Variants in EIF4ENIF1 observed in about 807,000 individuals in gnomAD.
EIF4ENIF1 encodes eukaryotic translation initiation factor 4E nuclear import factor 1, also known as eukaryotic translation initiation factor 4E transporter.
EIF4ENIF1 carries 23 observed loss-of-function variants against 110.5 expected under a neutral mutation model. That is an observed-to-expected ratio of 0.21 (90% CI 0.15 to 0.29). The LOEUF (loss-of-function observed/expected upper bound fraction) is 0.29. Ranked by LOEUF, EIF4ENIF1 falls within the 10% of genes least tolerant of loss-of-function variation. EIF4ENIF1 has a pLI of 1.00. For missense variants in EIF4ENIF1, 1,031 were observed against 1,221.1 expected, an observed-to-expected ratio of 0.84 and a Z score of 2.32; for synonymous variants, 440 against 437.0, an observed-to-expected ratio of 1.01 and a Z score of -0.09.
rs1450333900 is a variant in EIF4ENIF1, at chr22:31,473,113, C to T, written c.97-1196G>A. On this transcript the variant is annotated intron_variant, in intron 2 of 18. Transcript: ENST00000330125. Reference sequence around the variant, plus strand: ...GAGTAAATTGCATAAGTCATGATGCCTTACTCCTAAATACTGCAGTGCCTA... The same window carrying T: ...GAGTAAATTGCATAAGTCATGATGCTTTACTCCTAAATACTGCAGTGCCTA... 2.0e-5 allele frequency among the ~76,000 whole-genome samples: 3 copies of T among 150,312 alleles called. No homozygotes were observed. The Admixed American group carries it at 2.0e-4, about 10-fold the overall frequency.
chr22:31,460,297 T>C (rs2050949767), intron 6 of EIF4ENIF1, among the ~76,000 whole-genome samples: 1 of 152,242 alleles, frequency 6.6e-6, no homozygotes, highest in African/African-American at 2.4e-5. Flanking sequence ...TTTGTCTTCA[T>C]CAAAATGTTA....
chr22:31,493,320 C>T (rs562002161), upstream of EIF4ENIF1, among the ~76,000 whole-genome samples: 16 of 152,236 alleles, frequency 1.1e-4, no homozygotes, highest in East Asian at 2.5e-3. Context: ...TGAGCCACCG[C>T]GCCTGGCCTA....
chr22:31,440,770 G>C lies in EIF4ENIF1; in HGVS notation c.2650C>G (p.Leu884Val). The change falls in exon 18 of 19, where the codon CTC (leucine) becomes GTC (valine). Residue 884 changes from leucine to valine, a missense_variant. Physicochemically the swap from Leu to Val is conservative, Grantham distance 32. Around this residue, in one of 3 missense-constraint regions of EIF4ENIF1, gnomAD observed 309 missense variants for 299.1 expected, o/e 1.03. Transcript: ENST00000330125. ...FYPLPAASHP[L>V]LNPRPGTPLH... is the part of the protein sequence containing the mutation. ...GGTGTTCCAGGACGAGGGTTTAAGAGAGGGTGACTAGCAGCAGGTAAAGGG... is the reference window on the plus strand; with the variant it reads ...GGTGTTCCAGGACGAGGGTTTAAGACAGGGTGACTAGCAGCAGGTAAAGGG... The C allele has an allele frequency of 6.2e-7, 1 of 1,614,040 alleles. No individual in the cohort carries two copies. The highest frequency in any genetic ancestry group is 8.5e-7 in the Non-Finnish European group (1 of 1,179,892).
At chr22:31,456,223 CTTT>C (rs36001621) in intron 7 of EIF4ENIF1, among the ~76,000 whole-genome samples, 2 of 131,016 alleles carry the variant, frequency 1.5e-5, no homozygotes, top group Non-Finnish European at 1.6e-5. Context: ...TTTTTTATTA[CTTT>C]TTTTTTTTTT....
intron 12 of EIF4ENIF1, 94 bp from the exon 13 acceptor site, chr22:31,448,326 A>T: frequency 8.1e-7 from 1 of 1,234,706 alleles, no homozygotes; most frequent in Non-Finnish European, 1.2e-6. Flanking sequence ...GCTGAACGCC[A>T]TCTCTTGGAA....
chr22:31,485,326 A>G (rs2051977698), intron 2 of EIF4ENIF1, among the ~76,000 whole-genome samples: 1 of 152,248 alleles, frequency 6.6e-6, no homozygotes, highest in Admixed American at 6.5e-5. Context: ...AAAAATGGAC[A>G]ATACTGAGGT....
intron 2 of EIF4ENIF1, 144 bp from the exon 3 acceptor site, chr22:31,472,061 G>T: frequency 1.6e-6 from 1 of 628,908 alleles, no homozygotes. Flanking sequence ...AGAAAGGACT[G>T]GAGTACATTG....
At chr22:31,448,621 A>G (rs1477833998) in intron 12 of EIF4ENIF1, among the ~76,000 whole-genome samples, 1 of 152,192 alleles carries the variant, frequency 6.6e-6, no homozygotes, top group Non-Finnish European at 1.5e-5. Flanking sequence ...ATGCCTCTCA[A>G]GGTTTGTTTG....
chr22:31,472,968 A>G (rs1276239173), intron 2 of EIF4ENIF1, among the ~76,000 whole-genome samples: 1 of 151,946 alleles, frequency 6.6e-6, no homozygotes, highest in African/African-American at 2.4e-5. Context: ...GTATTCTGCC[A>G]TCCCACCCAC....
chr22:31,444,452 G>A (rs2050398601), intron 15 of EIF4ENIF1, 154 bp downstream of exon 15: 1 of 710,720 alleles, frequency 1.4e-6, no homozygotes, highest in Non-Finnish European at 2.5e-6. Flanking sequence ...TGTCCTAAAA[G>A]GGAAAGACCT....
Position 31,441,937 on chromosome 22 carries a change from T to G in EIF4ENIF1, c.2388A>C (p.Ala796=). 1.9e-6 allele frequency: 3 copies of G among 1,614,196 alleles called. No homozygotes were observed. The highest frequency in any genetic ancestry group is 2.5e-6 in the Non-Finnish European group (3 of 1,180,024). The change falls in exon 17 of 19, where the codon GCA becomes GCC. Residue 796 remains alanine, a synonymous_variant. Coordinates refer to ENST00000330125, the MANE Select transcript of EIF4ENIF1 (RefSeq NM_019843.4). ...KATGRKTPTL[A]SPVPTTPFLR... Reference sequence around the variant, plus strand: ...GAAAAGGTGTTGTAGGAACTGGGGATGCCAAGGTGGGTGTTTTTCTCCCAG... The same window carrying G: ...GAAAAGGTGTTGTAGGAACTGGGGAGGCCAAGGTGGGTGTTTTTCTCCCAG...
intron 2 of EIF4ENIF1, among the ~76,000 whole-genome samples, chr22:31,482,950 G>A (rs2051876659): frequency 6.6e-6 from 1 of 151,498 alleles, no homozygotes; most frequent in African/African-American, 2.4e-5. Context: ...CTTGAACCCG[G>A]GAGGCAGAGG....
intron 10 of EIF4ENIF1, chr22:31,453,291 C>G (rs558779937): frequency 2.9e-6 from 1 of 339,188 alleles, no homozygotes; most frequent in East Asian, 8.0e-5. Context: ...AACTTCATGC[C>G]TACAAGTTTT....
At chr22:31,470,229 G>T (rs1180773589) in intron 3 of EIF4ENIF1, among the ~76,000 whole-genome samples, 1 of 124,112 alleles carries the variant, frequency 8.1e-6, no homozygotes, top group Non-Finnish European at 1.7e-5. Flanking sequence ...CAAGTATCAA[G>T]TATCACCTTC....
intron 2 of EIF4ENIF1, among the ~76,000 whole-genome samples, chr22:31,473,247 T>G (rs779726202): frequency 1.6e-4 from 25 of 152,172 alleles, no homozygotes; most frequent in African/African-American, 3.4e-4. Context: ...CTCTCAAGGA[T>G]GTACTTAGCT....
At chr22:31,483,724 A>T (rs1314600992) in intron 2 of EIF4ENIF1, among the ~76,000 whole-genome samples, 1 of 152,088 alleles carries the variant, frequency 6.6e-6, no homozygotes. Context: ...ACCACTCTTA[A>T]ACCATAACTT....
At chr22:31,486,279 AAAAAT>A (rs2052022946) in intron 2 of EIF4ENIF1, among the ~76,000 whole-genome samples, 1 of 8,698 alleles carries the variant, frequency 1.1e-4, no homozygotes, top group African/African-American at 7.2e-4. Context: ...TCAAAAAAAA[AAAAAT>A]AAAAATAAAA....
At chr22:31,455,381 ATTTTTCTTTCTTTCTTTTTTTTTTTT>A (rs2050782202) in intron 8 of EIF4ENIF1, 66 bp from the exon 9 acceptor site, 1 of 1,109,868 alleles carries the variant, frequency 9.0e-7, no homozygotes, top group Non-Finnish European at 1.2e-6. Flanking sequence ...CTTCGACAGT[ATTTTTCTTTCTTTCTTTTTTTTTTTT>A]TTTTTCTTTG....
chr22:31,485,763 C>A (rs1306151504), intron 2 of EIF4ENIF1, among the ~76,000 whole-genome samples: 2 of 151,674 alleles, frequency 1.3e-5, no homozygotes. Context: ...AAGATCGTGC[C>A]ATTGCACTCC....
Sources: gnomAD v4.1 joint callset for allele counts (sites outside exome capture counted in the v4.1 genomes callset) on GRCh38, gnomAD v4.1.1 for gene constraint, gnomAD v4.1.1 regional missense constraint, MANE v1.5 for transcripts, NCBI Gene and HGNC (gene_info 2026-07-23, HGNC 2026-07-21) for gene names.